ADAMTS16: variants seen among roughly 807,000 people sequenced by gnomAD.
The protein encoded by ADAMTS16 is A disintegrin and metalloproteinase with thrombospondin motifs 16.
ADAMTS16 carries 94 observed loss-of-function variants against 145.8 expected under a neutral mutation model. That is an observed-to-expected ratio of 0.64 (90% CI 0.55 to 0.77). The LOEUF is 0.77. Among genes scored for constraint, ADAMTS16 ranks in the 30% least tolerant of loss-of-function variants. The probability of loss-of-function intolerance (pLI) is 0.00; values close to 1 mark genes in which losing one functional copy is unlikely to be tolerated. For missense variants in ADAMTS16, 1,585 were observed against 1,591.5 expected, an observed-to-expected ratio of 1.00 and a Z score of 0.07; for synonymous variants, 659 against 604.3, an observed-to-expected ratio of 1.09 and a Z score of -1.33.
Position 5,140,457 on chromosome 5 carries a change from A to G in ADAMTS16, c.-11A>G. 1 of 1,505,116 alleles carries G rather than the reference A, an allele frequency of 6.6e-7. No individual in the cohort carries two copies. Among genetic ancestry groups the G allele is most frequent in the Non-Finnish European group, 8.8e-7 (1 of 1,135,518 alleles). The allele number at this position is 1,505,116 out of a possible 1,614,324, so 93.2% of individuals were successfully genotyped here. A position where few individuals can be genotyped will look rare whatever the true frequency, so the allele number is the denominator to read the frequency against. ...CCTCCGGTGGCCCCTAGCCCCTCGG[A>G]GCGCTCCTGGATGAAGCCCCGCGCG... On this transcript the variant is annotated 5_prime_UTR_variant, in exon 1 of 23. Transcript: ENST00000274181.
At position 5,212,982 on chromosome 5, in the gene ADAMTS16, G is replaced by A. The variant is rs76138161; in HGVS notation, c.1605+3736G>A. Reference sequence around the variant, plus strand: ...GATAGTGGTTGCTTTAGAGATTACCGCATGCATCCCTAATTTAGAGTCTAT... The same window carrying A: ...GATAGTGGTTGCTTTAGAGATTACCACATGCATCCCTAATTTAGAGTCTAT... On this transcript the variant is annotated intron_variant, in intron 10 of 22. Coordinates refer to ENST00000274181, the MANE Select transcript of ADAMTS16 (RefSeq NM_139056.4). Among the ~76,000 whole-genome samples, 1,148 of 152,112 alleles carry A rather than the reference G, an allele frequency of 7.5e-3. 18 individuals are homozygous for A. Among genetic ancestry groups the A allele is most frequent in the African/African-American group, 0.026 (1,074 of 41,498 alleles).
intron 2 of ADAMTS16, among the ~76,000 whole-genome samples, chr5:5,145,722 A>G (rs1734275090): frequency 6.6e-6 from 1 of 152,220 alleles, no homozygotes. Flanking sequence ...TCACCTTTTT[A>G]TACACAATAA....
rs186500110 is a variant in ADAMTS16, at chr5:5,237,393, G to A, written c.2154+294G>A. Among the ~76,000 whole-genome samples, 35 of 152,292 alleles carry A rather than the reference G, an allele frequency of 2.3e-4. No individual in the cohort carries two copies. In the East Asian group the frequency reaches 6.4e-3, roughly 28 times the overall value. On this transcript the variant is annotated intron_variant, in intron 14 of 22. Coordinates refer to ENST00000274181, the MANE Select transcript of ADAMTS16 (RefSeq NM_139056.4). ...CCACATCCAAGCTAGATCTGAAAGG[G>A]TGAGTTGGAAGAGGGATGTCAGGAA...
intron 3 of ADAMTS16, among the ~76,000 whole-genome samples, chr5:5,165,517 G>A (rs1401077942): frequency 2.0e-5 from 3 of 152,164 alleles, no homozygotes; most frequent in Non-Finnish European, 4.4e-5. Flanking sequence ...ATCCATGTTG[G>A]TATGACTAAG....
At position 5,239,924 on chromosome 5, in the gene ADAMTS16, A is replaced by G; in HGVS notation, c.2522A>G (p.Glu841Gly). Residue 841 changes from glutamate to glycine, a missense_variant and splice_region_variant, in exon 16 of 23, where the codon GAG becomes GGG. This residue lies in a region of ADAMTS16 where 834 missense variants were observed against 811.7 expected (regional missense o/e 1.03). Coordinates refer to ENST00000274181, the MANE Select transcript of ADAMTS16 (RefSeq NM_139056.4). Reference sequence around the variant, plus strand: ...CCAACCAACGAGACACTGATTGTGGAGGTAAAGTCCAGCCTCTTGATTTTG... The same window carrying G: ...CCAACCAACGAGACACTGATTGTGGGGGTAAAGTCCAGCCTCTTGATTTTG... ...TGPTNETLIV[E>G]LLFQGRNPGV... is the part of the protein sequence containing the mutation. 1 of 1,613,418 alleles carries G rather than the reference A, an allele frequency of 6.2e-7. No homozygotes were observed. The highest frequency in any genetic ancestry group is 1.1e-5 in the South Asian group (1 of 91,040).
At chr5:5,202,013 T>G (rs1735972724) in intron 9 of ADAMTS16, among the ~76,000 whole-genome samples, 1 of 152,170 alleles carries the variant, frequency 6.6e-6, no homozygotes, top group African/African-American at 2.4e-5. Context: ...AGACACTATT[T>G]GAGTAGCAGG....
intron 18 of ADAMTS16, among the ~76,000 whole-genome samples, chr5:5,268,789 C>T (rs896189943): frequency 1.3e-5 from 2 of 152,180 alleles, no homozygotes; most frequent in Non-Finnish European, 2.9e-5. Context: ...TTTCTCTGCC[C>T]ACCTCTGTGG....
At chr5:5,216,838 T>A (rs1019864254) in intron 10 of ADAMTS16, among the ~76,000 whole-genome samples, 8 of 144,554 alleles carry the variant, frequency 5.5e-5, no homozygotes, top group Admixed American at 5.0e-4. Context: ...TTCCCACCTA[T>A]GAGTGAGAAT....
intron 3 of ADAMTS16, among the ~76,000 whole-genome samples, chr5:5,181,628 C>A (rs1735341518): frequency 6.6e-6 from 1 of 152,120 alleles, no homozygotes. Flanking sequence ...TGCACATTAC[C>A]CTATTAGGAT....
rs1240640833 is a variant in ADAMTS16, at chr5:5,269,648, C to T, written c.2789+6865C>T. 6.6e-6 allele frequency among the ~76,000 whole-genome samples: 1 copy of T among 152,134 alleles called. No homozygotes were observed. Among genetic ancestry groups the T allele is most frequent in the African/African-American group, 2.4e-5 (1 of 41,436 alleles). On this transcript the variant is annotated intron_variant, in intron 18 of 22. Transcript: ENST00000274181. The surrounding 1 kb of genome is among the most constrained non-coding windows in gnomAD (Gnocchi z 4.3). The stretch of plus-strand genomic sequence containing the variant: ...AGATGGTCCCGAGCCTCTAGAGGAG[C>T]CTTTGGAAGTTACTATTTTTTCCAT...
intron 10 of ADAMTS16, among the ~76,000 whole-genome samples, chr5:5,222,373 C>G (rs1352075321): frequency 6.6e-6 from 1 of 151,426 alleles, no homozygotes; most frequent in Non-Finnish European, 1.5e-5. Flanking sequence ...GAACAAGCAT[C>G]CTAAACATCC....
intron 21 of ADAMTS16, among the ~76,000 whole-genome samples, chr5:5,311,184 G>T (rs1740412977): frequency 6.6e-6 from 1 of 151,342 alleles, no homozygotes; most frequent in Non-Finnish European, 1.5e-5. Flanking sequence ...CCCCAACTCT[G>T]CAGGCCTCTG....
At chr5:5,265,474 G>A (rs1325659067) in intron 18 of ADAMTS16, among the ~76,000 whole-genome samples, 5 of 152,232 alleles carry the variant, frequency 3.3e-5, no homozygotes, top group African/African-American at 1.2e-4. Context: ...CCTTCCCACA[G>A]AGCCTGGGAG....
intron 8 of ADAMTS16, among the ~76,000 whole-genome samples, chr5:5,196,517 C>T (rs771136385): frequency 1.3e-5 from 2 of 152,206 alleles, no homozygotes; most frequent in African/African-American, 2.4e-5. Flanking sequence ...AGGCTGCTCT[C>T]TGGGTAGCTG....
intron 18 of ADAMTS16, among the ~76,000 whole-genome samples, chr5:5,275,001 A>C (rs1324784621): frequency 6.6e-6 from 1 of 152,218 alleles, no homozygotes; most frequent in Admixed American, 6.5e-5. Flanking sequence ...TGCAAAACAA[A>C]CTGGTGGATA....
At chr5:5,183,642 CT>C (rs1189901628) in intron 4 of ADAMTS16, among the ~76,000 whole-genome samples, 1 of 152,218 alleles carries the variant, frequency 6.6e-6, no homozygotes, top group African/African-American at 2.4e-5. Flanking sequence ...GACTGCGATC[CT>C]TTCGTTCCTC....
Position 5,319,392 on chromosome 5 carries a change from G to T in ADAMTS16, c.*254G>T. On this transcript the variant is annotated 3_prime_UTR_variant, in exon 23 of 23. Transcript: ENST00000274181. ...CCTGGCAGACAGAGCTGTGGCTCGT[G>T]AGGCAGAAGGCAGGCACCACAACGG... 4.0e-6 allele frequency: 2 copies of T among 494,334 alleles called. No homozygotes were observed. Among genetic ancestry groups the T allele is most frequent in the Admixed American group, 3.6e-5 (1 of 27,808 alleles). 30.6% of individuals were successfully genotyped at this position (494,334 alleles called of 1,614,324 possible). A position where few individuals can be genotyped will look rare whatever the true frequency, so the allele number is the denominator to read the frequency against.
intron 18 of ADAMTS16, among the ~76,000 whole-genome samples, chr5:5,292,902 G>C (rs1405413255): frequency 2.0e-5 from 3 of 152,216 alleles, no homozygotes; most frequent in African/African-American, 7.2e-5. Flanking sequence ...CAGGCTTGTG[G>C]TGCCTGGCCC....
chr5:5,231,472 T>C (rs2913621), intron 11 of ADAMTS16, among the ~76,000 whole-genome samples: 92,347 of 151,288 alleles, frequency 0.61, 28,439 homozygotes, highest in African/African-American at 0.7. Flanking sequence ...GTGGCTCTAA[T>C]CTTGGAGATA....
Sources: gnomAD v4.1 joint callset for allele counts (sites outside exome capture counted in the v4.1 genomes callset) on GRCh38, gnomAD v4.1.1 for gene constraint, gnomAD v4.1.1 regional missense constraint, Gnocchi (gnomAD v3.1) non-coding constraint, MANE v1.5 for transcripts, NCBI Gene and HGNC (gene_info 2026-07-23, HGNC 2026-07-21) for gene names.